FRMD3: variants seen among roughly 807,000 people sequenced by gnomAD.
FRMD3 encodes FERM domain-containing protein 3.
A neutral mutation model predicts 70.2 loss-of-function variants in FRMD3; 33 were observed. That is an observed-to-expected ratio of 0.47 (90% CI 0.36 to 0.63). The LOEUF (loss-of-function observed/expected upper bound fraction) is 0.63, where lower values mean the gene tolerates loss of function less well. FRMD3 is among the 20% of genes least tolerant of loss of function. The pLI, the probability that FRMD3 is intolerant of heterozygous loss-of-function variation, is 0.00. For missense variants in FRMD3, 632 were observed against 711.4 expected, an observed-to-expected ratio of 0.89 and a Z score of 1.27; for synonymous variants, 279 against 255.9, an observed-to-expected ratio of 1.09 and a Z score of -0.86.
chr9:83,292,251 TG>T (rs1488787251), intron 12 of FRMD3, among the ~76,000 whole-genome samples: 1 of 150,948 alleles, frequency 6.6e-6, no homozygotes, highest in African/African-American at 2.4e-5. Context: ...CTCTGCCTCC[TG>T]GGTTCAAGCA....
chr9:83,490,181 A>T (rs1828784722), intron 1 of FRMD3, among the ~76,000 whole-genome samples: 1 of 152,210 alleles, frequency 6.6e-6, no homozygotes, highest in Non-Finnish European at 1.5e-5. Context: ...GCCCTAGACC[A>T]TTAGCAAAAG....
intron 1 of FRMD3, among the ~76,000 whole-genome samples, chr9:83,445,564 G>A (rs1827437356): frequency 6.6e-6 from 1 of 152,144 alleles, no homozygotes; most frequent in Non-Finnish European, 1.5e-5. Context: ...CTATTCTTAG[G>A]AGTAAAGCAA....
At chr9:83,452,641 C>G (rs2131419007) in intron 1 of FRMD3, among the ~76,000 whole-genome samples, 1 of 151,884 alleles carries the variant, frequency 6.6e-6, no homozygotes, top group East Asian at 2.0e-4. Context: ...ACCACCGCAC[C>G]CAGCTAATTT....
In FRMD3 at chr9:83,298,800, C is replaced by G. The variant is rs760136820; in HGVS notation, c.1018G>C (p.Glu340Gln). 1 of 1,614,248 alleles carries G rather than the reference C, an allele frequency of 6.2e-7. No individual in the cohort carries two copies. The highest frequency in any genetic ancestry group is 8.5e-7 in the Non-Finnish European group (1 of 1,180,042). ...ATCTTGGAACTGGCCTCCACCACCT[C>G]TTTGGCAACTTTCCCACTGCAAAAG... The part of the protein sequence containing the change: ...RFRYSGKVAK[E>Q]VVEASSKIQR... The change falls in exon 12 of 14, where the codon GAG (glutamate) becomes CAG (glutamine). Residue 340 changes from glutamate to glutamine, a missense_variant. By Grantham distance (29) the Glu-to-Gln change is conservative. Around this residue, in one of 3 missense-constraint regions of FRMD3, gnomAD observed 418 missense variants for 442.1 expected, o/e 0.95. Coordinates refer to ENST00000304195, the MANE Select transcript of FRMD3 (RefSeq NM_174938.6).
chr9:83,332,580 A>C (rs1430447105), intron 6 of FRMD3, among the ~76,000 whole-genome samples: 2 of 152,170 alleles, frequency 1.3e-5, no homozygotes, highest in East Asian at 3.8e-4. Flanking sequence ...AATAATCCTA[A>C]TCAATAAAAA....
chr9:83,248,390 G>T lies in FRMD3; in HGVS notation c.1322C>A (p.Thr441Asn), dbSNP rs1832227794. Residue 441 changes from threonine to asparagine, a missense_variant, in exon 14 of 14, where the codon ACC becomes AAC. Physicochemically the swap from Thr to Asn is moderately conservative, Grantham distance 65 (BLOSUM62 0). Transcript: ENST00000304195. ...TGGGTTGTACACTAGTTCAGAGATG[G>T]TTAAAGGTTCTTCTTTTATTTTATC... ...EEDKIKEEPL[T>N]ISELVYNPSA... The T allele has an allele frequency of 1.2e-6, 2 of 1,614,168 alleles. No homozygotes were observed. The highest frequency in any genetic ancestry group is 1.7e-6 in the Non-Finnish European group (2 of 1,180,036).
At chr9:83,471,079 G>C (rs562762763) in intron 1 of FRMD3, among the ~76,000 whole-genome samples, 7 of 152,130 alleles carry the variant, frequency 4.6e-5, no homozygotes, top group Non-Finnish European at 1.0e-4. Flanking sequence ...CCAGTTTTAG[G>C]GGGGAGAAGG....
At chr9:83,582,955 A>G in the FRMD3 span, among the ~76,000 whole-genome samples, 1 of 152,182 alleles carries the variant, frequency 6.6e-6, no homozygotes, top group Non-Finnish European at 1.5e-5. Flanking sequence ...AGCCTCTTGA[A>G]CATGGAGCAC....
At chr9:83,431,810 G>A (rs1320065488) in intron 1 of FRMD3, among the ~76,000 whole-genome samples, 1 of 152,082 alleles carries the variant, frequency 6.6e-6, no homozygotes, top group East Asian at 1.9e-4. Context: ...CTCCTGACCT[G>A]GCCTGAGTTC....
intron 1 of FRMD3, among the ~76,000 whole-genome samples, chr9:83,476,883 A>AT (rs1828411743): frequency 6.6e-6 from 1 of 152,094 alleles, no homozygotes; most frequent in Non-Finnish European, 1.5e-5. Flanking sequence ...TATTTAGGTA[A>AT]TTTTTTGGTG....
chr9:83,561,822 G>A, the FRMD3 span, among the ~76,000 whole-genome samples: 1 of 152,276 alleles, frequency 6.6e-6, no homozygotes, highest in Admixed American at 6.5e-5. Flanking sequence ...AACAGAGTCT[G>A]CCACAAGGAA....
intron 2 of FRMD3, among the ~76,000 whole-genome samples, chr9:83,384,949 C>T (rs1448200569): frequency 6.6e-6 from 1 of 152,054 alleles, no homozygotes; most frequent in Non-Finnish European, 1.5e-5. Flanking sequence ...TCTGGCTGAG[C>T]TGGGAGCTGG....
At chr9:83,305,472 T>G (rs1835092665) in intron 10 of FRMD3, among the ~76,000 whole-genome samples, 1 of 152,182 alleles carries the variant, frequency 6.6e-6, no homozygotes, top group East Asian at 1.9e-4. Context: ...CAGGCCACAC[T>G]GCTATAAATG....
chr9:83,380,508 G>C (rs12348065), intron 2 of FRMD3, among the ~76,000 whole-genome samples: 40,679 of 151,998 alleles, frequency 0.27, 6,288 homozygotes, highest in Non-Finnish European at 0.34. Flanking sequence ...ACTTAGCCCT[G>C]AGAGATCATT....
chr9:83,450,577 CCTT>C (rs1336729890), intron 1 of FRMD3, among the ~76,000 whole-genome samples: 1 of 152,046 alleles, frequency 6.6e-6, no homozygotes, highest in African/African-American at 2.4e-5. Flanking sequence ...ATATTATCAG[CCTT>C]CTTCCTCCTC....
At chr9:83,476,384 A>C (rs945898167) in intron 1 of FRMD3, among the ~76,000 whole-genome samples, 1 of 9,282 alleles carries the variant, frequency 1.1e-4, no homozygotes, top group Admixed American at 7.6e-4. Flanking sequence ...ACTCTCTCTC[A>C]AAAAAAAAAA....
intron 1 of FRMD3, among the ~76,000 whole-genome samples, chr9:83,534,758 G>A (rs1206399822): frequency 6.6e-6 from 1 of 152,160 alleles, no homozygotes; most frequent in Non-Finnish European, 1.5e-5. Context: ...CATGTTTCTG[G>A]GGGGTGGAAA....
intron 1 of FRMD3, among the ~76,000 whole-genome samples, chr9:83,448,455 C>T (rs955244951): frequency 2.6e-5 from 4 of 152,114 alleles, no homozygotes; most frequent in Non-Finnish European, 5.9e-5. Flanking sequence ...AGCAGAGCAG[C>T]GGTAAGGCCT....
chr9:83,498,312 A>G (rs1309735844), intron 1 of FRMD3, among the ~76,000 whole-genome samples: 2 of 152,210 alleles, frequency 1.3e-5, no homozygotes, highest in Admixed American at 6.5e-5. Context: ...CCCAGATAAT[A>G]TCCACTCATG....
Sources: allele counts gnomAD v4.1 joint callset (sites outside exome capture counted in the v4.1 genomes callset), GRCh38; gene constraint gnomAD v4.1.1; regional missense constraint gnomAD v4.1.1; transcripts MANE v1.5; gene names NCBI Gene and HGNC (gene_info 2026-07-23, HGNC 2026-07-21).